CUBN: variants seen among roughly 807,000 people sequenced by gnomAD.
CUBN encodes cubilin, also known as 460 kDa receptor.
CUBN carries 282 observed loss-of-function variants against 405.3 expected under a neutral mutation model. The observed-to-expected ratio is 0.70, with a 90% CI of 0.63 to 0.77. CUBN has a LOEUF of 0.77. CUBN is among the 30% of genes least tolerant of loss of function. CUBN has a pLI of 0.00. For synonymous variants in CUBN, 1,684 were observed against 1,617.0 expected (o/e 1.04, Z -0.99); for missense variants, 4,514 against 4,475.2 (o/e 1.01, Z -0.25).
chr10:17,007,793 G>A (rs2131752674), intron 28 of CUBN, among the ~76,000 whole-genome samples: 1 of 152,270 alleles, frequency 6.6e-6, no homozygotes, highest in African/African-American at 2.4e-5. Context: ...TCCCTTGCGG[G>A]GCTGTGCAAG....
chr10:17,087,036 A>G (rs1836124660), intron 15 of CUBN, among the ~76,000 whole-genome samples: 1 of 152,220 alleles, frequency 6.6e-6, no homozygotes, highest in African/African-American at 2.4e-5. Context: ...AGTCATTCCC[A>G]AAGGTTTCAA....
intron 6 of CUBN, among the ~76,000 whole-genome samples, chr10:17,117,539 T>G (rs954654366): frequency 6.6e-6 from 1 of 152,160 alleles, no homozygotes; most frequent in African/African-American, 2.4e-5. Flanking sequence ...CACACCCGGC[T>G]AATTTTTTAT....
chr10:16,978,165 C>A (rs957081075), intron 31 of CUBN, among the ~76,000 whole-genome samples: 1 of 152,154 alleles, frequency 6.6e-6, no homozygotes, highest in Non-Finnish European at 1.5e-5. Context: ...GAATGGCTTA[C>A]CAAGACTGCC....
chr10:17,071,150 T>C (rs973123178), intron 19 of CUBN, among the ~76,000 whole-genome samples: 1 of 152,188 alleles, frequency 6.6e-6, no homozygotes, highest in Non-Finnish European at 1.5e-5. Context: ...TGTTCTTTAT[T>C]TTATTGGTAC....
intron 58 of CUBN, among the ~76,000 whole-genome samples, chr10:16,871,016 T>C (rs1471803188): frequency 6.6e-6 from 1 of 151,532 alleles, no homozygotes; most frequent in Non-Finnish European, 1.5e-5. Context: ...CTCATTTTTA[T>C]AGGTTCTTCT....
chr10:16,890,288 C>T, intron 55 of CUBN, 83 bp downstream of exon 55: 2 of 1,376,108 alleles, frequency 1.5e-6, no homozygotes, highest in Admixed American at 1.7e-5. Flanking sequence ...CTCCCCTAGA[C>T]CCCCAGGTTT....
rs564512730 is a variant in CUBN at position 17,056,477 on chromosome 10, C to T, written c.3140-8874G>A. On this transcript the variant is annotated intron_variant, in intron 22 of 66. Coordinates refer to ENST00000377833, the MANE Select transcript of CUBN (RefSeq NM_001081.4). ...ACAAAAAATTACCTGGGCATGGTGG[C>T]GGGCGCCTGCAGTCCCAGCTACTCG... Among the ~76,000 whole-genome samples the T allele has an allele frequency of 5.9e-5, 9 of 151,990 alleles. No homozygotes were observed. The South Asian group carries it at 1.5e-3, about 25-fold the overall frequency.
At chr10:16,925,191 A>G in intron 43 of CUBN, 50 bp downstream of exon 43, 1 of 1,489,986 alleles carries the variant, frequency 6.7e-7, no homozygotes, top group African/African-American at 1.4e-5. Flanking sequence ...ATCAAAGAAG[A>G]TCAAGCAATT....
chr10:17,085,564 C>G (rs544609855), intron 16 of CUBN, 33 bp downstream of exon 16: 1 of 1,602,876 alleles, frequency 6.2e-7, no homozygotes, highest in Admixed American at 1.7e-5. Flanking sequence ...GCCTTCAAAT[C>G]CCTCTTAAGC....
chr10:16,949,771 A>C (rs1454190096), intron 34 of CUBN, among the ~76,000 whole-genome samples: 3 of 152,172 alleles, frequency 2.0e-5, no homozygotes, highest in East Asian at 3.9e-4. Context: ...AATGTTTTAA[A>C]ACATATACAC....
At chr10:17,037,031 G>T (rs149677274) in intron 27 of CUBN, among the ~76,000 whole-genome samples, 2 of 152,096 alleles carry the variant, frequency 1.3e-5, no homozygotes, top group African/African-American at 4.8e-5. Flanking sequence ...CTCACCTAAC[G>T]AATGGGGATA....
chr10:16,983,932 G>A (rs974554311), intron 30 of CUBN, among the ~76,000 whole-genome samples, 173 bp downstream of exon 30: 2 of 152,198 alleles, frequency 1.3e-5, no homozygotes, highest in Non-Finnish European at 2.9e-5. Flanking sequence ...CCCTTAGGAA[G>A]TTAAACTTTA....
intron 22 of CUBN, among the ~76,000 whole-genome samples, chr10:17,059,499 C>G (rs151235084): frequency 6.6e-6 from 1 of 152,112 alleles, no homozygotes; most frequent in African/African-American, 2.4e-5. Flanking sequence ...GAGGCTCAAT[C>G]TTTAGGCTAT....
intron 55 of CUBN, among the ~76,000 whole-genome samples, chr10:16,889,723 G>A (rs1376876525): frequency 7.3e-5 from 11 of 150,776 alleles, no homozygotes; most frequent in South Asian, 2.1e-4. Context: ...GTGAAACCCC[G>A]TCTCTACTAA....
At chr10:16,941,213 CT>C (rs1304262179) in intron 36 of CUBN, among the ~76,000 whole-genome samples, 1 of 152,144 alleles carries the variant, frequency 6.6e-6, no homozygotes, top group Non-Finnish European at 1.5e-5. Flanking sequence ...CACAAATACA[CT>C]GTCAATCCAA....
At chr10:17,127,375 C>T (rs1160016400) in intron 3 of CUBN, among the ~76,000 whole-genome samples, 1 of 150,772 alleles carries the variant, frequency 6.6e-6, no homozygotes, top group East Asian at 1.9e-4. Flanking sequence ...AAGCCATCCT[C>T]CCACTTCAGC....
At chr10:16,910,950 A>G (rs867652919) in intron 48 of CUBN, among the ~76,000 whole-genome samples, 1 of 152,186 alleles carries the variant, frequency 6.6e-6, no homozygotes, top group Admixed American at 6.5e-5. Flanking sequence ...AGGGACGTGC[A>G]TAGCATCACA....
At chr10:16,898,339 T>A (rs1841254227) in intron 54 of CUBN, among the ~76,000 whole-genome samples, 1 of 152,016 alleles carries the variant, frequency 6.6e-6, no homozygotes, top group South Asian at 2.1e-4. Context: ...AGGCCAATTG[T>A]TTAAGTAGCT....
chr10:16,884,550 G>A (rs1340851081), intron 56 of CUBN, among the ~76,000 whole-genome samples: 1 of 152,116 alleles, frequency 6.6e-6, no homozygotes, highest in Non-Finnish European at 1.5e-5. Context: ...GTAGTTCATG[G>A]AATGTCTAGT....
Sources: gnomAD v4.1 joint callset for allele counts (sites outside exome capture counted in the v4.1 genomes callset) on GRCh38, gnomAD v4.1.1 for gene constraint, MANE v1.5 for transcripts, NCBI Gene and HGNC (gene_info 2026-07-23, HGNC 2026-07-21) for gene names.